Variants in HSPG2 observed in about 807,000 individuals in gnomAD.
HSPG2 encodes the protein basement membrane-specific heparan sulfate proteoglycan core protein.
HSPG2 carries 278 observed loss-of-function variants against 526.6 expected under a neutral mutation model. That is an observed-to-expected ratio of 0.53 (90% CI 0.48 to 0.58). The LOEUF (loss-of-function observed/expected upper bound fraction) is 0.58. HSPG2 is among the 20% of genes least tolerant of loss of function. The pLI is 0.00. For missense variants in HSPG2, 5,354 were observed against 6,099.5 expected (o/e 0.88, Z 4.07); for synonymous variants, 2,465 against 2,555.4 (o/e 0.96, Z 1.07).
Position 21,841,593 on chromosome 1 carries a change from C to T in HSPG2, c.9274G>A (p.Val3092Met), listed in dbSNP as rs369024085. ...RPSNHGTYRC[V>M]ASNAYGVAQS... ...GCCACACCGTAGGCATTGGAGGCCA[C>T]GCAGCGGTAGGTACCGTGGTTGCTG... is the stretch of plus-strand genomic sequence containing the variant. Residue 3092 changes from valine (V) to methionine (M), a missense_variant, in exon 70 of 97, where the codon GTG (valine) becomes ATG (methionine). Physicochemically the swap from Val to Met is conservative, Grantham distance 21. Coordinates refer to ENST00000374695, the MANE Select transcript of HSPG2 (RefSeq NM_005529.7). 54 of 1,614,066 alleles carry T rather than the reference C, an allele frequency of 3.3e-5. No homozygotes were observed. Among genetic ancestry groups the T allele is most frequent in the South Asian group, 9.9e-5 (9 of 91,090 alleles).
chr1:21,881,600 T>A, intron 13 of HSPG2, 98 bp from the exon 14 acceptor site: 2 of 1,158,404 alleles, frequency 1.7e-6, no homozygotes, highest in Non-Finnish European at 2.5e-6. Flanking sequence ...AAAGTTCTAG[T>A]GGAAATTTGA....
At chr1:21,918,394 G>A (rs957399001) in intron 1 of HSPG2, among the ~76,000 whole-genome samples, 20 of 152,018 alleles carry the variant, frequency 1.3e-4, no homozygotes, top group Admixed American at 2.6e-4. Context: ...GAACCTGGAA[G>A]GCAGAGGTTG....
intron 13 of HSPG2, 44 bp downstream of exon 13, chr1:21,884,484 C>A: frequency 6.2e-7 from 1 of 1,609,824 alleles, no homozygotes; most frequent in Non-Finnish European, 8.5e-7. Context: ...TACAGAGGTA[C>A]CCACCTCCCA....
chr1:21,889,332 T>C lies in HSPG2; in HGVS notation c.574+649A>G, dbSNP rs76503700. ...TTAAAACAGGAGACCAAAGGCACAG[T>C]AGAAGGAAATCTGGGCTGACCCAGA... On this transcript the variant is annotated intron_variant, in intron 6 of 96. Transcript: ENST00000374695. Among the ~76,000 whole-genome samples, 967 of 152,234 alleles carry C rather than the reference T, an allele frequency of 6.4e-3. 5 individuals are homozygous for C. The highest frequency in any genetic ancestry group is 0.021 in the African/African-American group (879 of 41,538).
At position 21,822,500 on chromosome 1, in the gene HSPG2, G is replaced by C. The variant is rs561815621; in HGVS notation, c.*816C>G. 3 of 368,428 alleles carry C rather than the reference G, an allele frequency of 8.1e-6. No individual in the cohort carries two copies. Among genetic ancestry groups the C allele is most frequent in the South Asian group, 2.5e-5 (1 of 39,862 alleles). The allele number at this position is 368,428 out of a possible 1,614,324, so 22.8% of individuals were successfully genotyped here. ...GAGCACCAGCGGCATCCGTCCGTCC[G>C]TTGTCTGTTGGAGGAGTCCCTGGGC... On this transcript the variant is annotated 3_prime_UTR_variant, in exon 97 of 97. Transcript: ENST00000374695.
intron 33 of HSPG2, chr1:21,870,332 G>A: frequency 1.0e-6 from 1 of 982,158 alleles, no homozygotes; most frequent in African/African-American, 1.7e-5. Flanking sequence ...AATGGAGGGA[G>A]CAGGCGAGCT....
chr1:21,841,488 G>A, intron 70 of HSPG2, 51 bp downstream of exon 70: 1 of 1,611,636 alleles, frequency 6.2e-7, no homozygotes, highest in Non-Finnish European at 8.5e-7. Flanking sequence ...TCTGAGCTGA[G>A]AATCAGGGCT....
Position 21,864,768 on chromosome 1 carries a change from G to A in HSPG2, c.4626+75C>T. The A allele has an allele frequency of 8.1e-7, 1 of 1,237,828 alleles. No homozygotes were observed. The highest frequency in any genetic ancestry group is 1.2e-6 in the Non-Finnish European group (1 of 864,378). The allele number at this position is 1,237,828 out of a possible 1,614,324, so 76.7% of individuals were successfully genotyped here. On this transcript the variant is annotated intron_variant, in intron 36 of 96. Coordinates refer to ENST00000374695, the MANE Select transcript of HSPG2 (RefSeq NM_005529.7). This position sits in a 1 kb window ranked among gnomAD's most constrained non-coding sequence, Gnocchi z 4.8. ...TATAGTTATGATGGTAATCAAGGCTGCGGCGACGCCGGCTGATTTGCTTGC... is the reference window on the plus strand; with the variant it reads ...TATAGTTATGATGGTAATCAAGGCTACGGCGACGCCGGCTGATTTGCTTGC...
chr1:21,887,289 C>T lies in HSPG2; in HGVS notation c.1004G>A (p.Gly335Glu). Residue 335 changes from glycine (G) to glutamate (E), a missense_variant, in exon 9 of 97, where the codon GGA becomes GAA. Gly to Glu is a moderately conservative substitution (Grantham distance 98). Coordinates refer to ENST00000374695, the MANE Select transcript of HSPG2 (RefSeq NM_005529.7). The surrounding 1 kb of genome is among the most constrained non-coding windows in gnomAD (Gnocchi z 5.0). Reference protein sequence around the residue: ...CEPNEFPCGNGHCALKLWRCD... With the variant: ...CEPNEFPCGNEHCALKLWRCD... ...GCGCCACAGCTTGAGGGCACAATGT[C>T]CATTCCCGCAGGGGAACTCGTTGGG... is the stretch of plus-strand genomic sequence containing the variant. The T allele has an allele frequency of 1.2e-6, 2 of 1,614,094 alleles. No homozygotes were observed. The highest frequency in any genetic ancestry group is 1.7e-6 in the Non-Finnish European group (2 of 1,179,976).
At chr1:21,885,720 C>T (rs1043643986) in intron 9 of HSPG2, among the ~76,000 whole-genome samples, 5 of 152,166 alleles carry the variant, frequency 3.3e-5, no homozygotes, top group Non-Finnish European at 7.3e-5. Context: ...ACAACCACAG[C>T]ATCACCCAGC....
intron 1 of HSPG2, among the ~76,000 whole-genome samples, chr1:21,935,961 T>C (rs907201155): frequency 6.6e-6 from 1 of 151,964 alleles, no homozygotes; most frequent in East Asian, 1.9e-4. Flanking sequence ...GGGTGGGGGC[T>C]TGACGAGTGA....
chr1:21,848,116 G>T lies in HSPG2; in HGVS notation c.7738-23C>A. 6.4e-7 allele frequency: 1 copy of T among 1,563,478 alleles called. No individual in the cohort carries two copies. Among genetic ancestry groups the T allele is most frequent in the Non-Finnish European group, 8.7e-7 (1 of 1,155,144 alleles). ...GATCTGCAGGAAGCAGATGGCAGGA[G>T]GTATGGCAGTAGGTGTGGGCAGCTC... On this transcript the variant is annotated intron_variant, in intron 59 of 96. Coordinates refer to ENST00000374695, the MANE Select transcript of HSPG2 (RefSeq NM_005529.7). This position sits in a 1 kb window ranked among gnomAD's most constrained non-coding sequence, Gnocchi z 4.9.
chr1:21,827,462 G>T (rs2097981363), intron 91 of HSPG2, among the ~76,000 whole-genome samples: 1 of 152,176 alleles, frequency 6.6e-6, no homozygotes, highest in African/African-American at 2.4e-5. Flanking sequence ...CTGTAAAGGG[G>T]TTAGCACAGT....
At chr1:21,837,343 C>T (rs2098030590) in intron 74 of HSPG2, among the ~76,000 whole-genome samples, 4 of 152,108 alleles carry the variant, frequency 2.6e-5, no homozygotes, top group African/African-American at 7.2e-5. Context: ...TGCAGTGGCA[C>T]GATCTCAGCT....
chr1:21,916,810 T>C (rs1643897921), intron 1 of HSPG2, among the ~76,000 whole-genome samples: 1 of 152,200 alleles, frequency 6.6e-6, no homozygotes, highest in East Asian at 1.9e-4. Flanking sequence ...TATACCATCA[T>C]TGATCCTTAG....
chr1:21,864,724 GC>G lies in HSPG2; in HGVS notation c.4626+118del. Reference sequence around the variant, plus strand: ...GGCTGTCGGGAGGAATACATGCAGGGCCCAGATGCAGGGGTCATTATAGTTA... The same window carrying G: ...GGCTGTCGGGAGGAATACATGCAGGGCCAGATGCAGGGGTCATTATAGTTA... On this transcript the variant is annotated intron_variant, in intron 36 of 96. Coordinates refer to ENST00000374695, the MANE Select transcript of HSPG2 (RefSeq NM_005529.7). This position sits in a 1 kb window ranked among gnomAD's most constrained non-coding sequence, Gnocchi z 4.8. 1 of 822,152 alleles carries G rather than the reference GC, an allele frequency of 1.2e-6. No homozygotes were observed. The allele number at this position is 822,152 out of a possible 1,614,324, so 50.9% of individuals were successfully genotyped here.
intron 9 of HSPG2, among the ~76,000 whole-genome samples, 177 bp from the exon 10 acceptor site, chr1:21,885,628 G>A (rs1182492938): frequency 1.3e-5 from 2 of 152,080 alleles, no homozygotes; most frequent in Non-Finnish European, 2.9e-5. Context: ...AGCTGTCATC[G>A]AACCACTCAT....
rs539785277 is a variant in HSPG2 at position 21,823,547 on chromosome 1, G to T, written c.13004-59C>A. On this transcript the variant is annotated intron_variant, in intron 96 of 96. Transcript: ENST00000374695. ...TCCAGCAGCCCAGGAGGCGAGGAAG[G>T]CTGGGCGAGCTCTAGCCCTAAGGGA... The T allele has an allele frequency of 2.5e-6, 4 of 1,608,568 alleles. No homozygotes were observed. In the South Asian group the frequency reaches 4.4e-5, roughly 18 times the overall value.
intron 6 of HSPG2, chr1:21,889,696 T>C (rs1402982329): frequency 2.1e-6 from 1 of 467,248 alleles, no homozygotes; most frequent in East Asian, 3.8e-5. Context: ...CTAATGTGTT[T>C]TGGACTTGGA....
Sources: gnomAD v4.1 joint callset for allele counts (sites outside exome capture counted in the v4.1 genomes callset) on GRCh38, gnomAD v4.1.1 for gene constraint, Gnocchi (gnomAD v3.1) non-coding constraint, MANE v1.5 for transcripts, NCBI Gene and HGNC (gene_info 2026-07-23, HGNC 2026-07-21) for gene names.